The following CIBAR2 variants were observed in gnomAD, a reference collection of about 807,000 sequenced individuals.
The protein encoded by CIBAR2 is CBY1 interacting BAR domain containing 2.
Under a neutral mutation model 36.2 loss-of-function variants are expected in CIBAR2, and 38 were observed. The observed-to-expected ratio is 1.05, with a 90% CI of 0.81 to 1.38. The LOEUF (loss-of-function observed/expected upper bound fraction) is 1.38, where lower values mean the gene tolerates loss of function less well. CIBAR2 is among the 40% of genes most tolerant of loss of function. The probability of loss-of-function intolerance (pLI) is 0.00; values close to 1 mark genes in which losing one functional copy is unlikely to be tolerated. For synonymous variants in CIBAR2, 182 were observed against 149.5 expected (o/e 1.22, Z -1.58); for missense variants, 481 against 383.4 (o/e 1.25, Z -2.13).
Position 85,108,020 on chromosome 16 carries a change from C to T in CIBAR2, c.324+11G>A. 1 of 1,613,710 alleles carries T rather than the reference C, an allele frequency of 6.2e-7. No individual in the cohort carries two copies. The highest frequency in any genetic ancestry group is 8.5e-7 in the Non-Finnish European group (1 of 1,179,706). ...CAGGGATGCCACCCACACCGAGGTG[C>T]CCCGGCTCACCCGTGTCTGCTTGAT... On this transcript the variant is annotated intron_variant, in intron 3 of 8. Transcript: ENST00000539556.
Position 85,099,128 on chromosome 16 carries a change from C to G in CIBAR2, c.*57G>C. The G allele has an allele frequency of 6.9e-7, 1 of 1,450,876 alleles. No individual in the cohort carries two copies. Among genetic ancestry groups the G allele is most frequent in the Non-Finnish European group, 9.1e-7 (1 of 1,098,812 alleles). 89.9% of individuals were successfully genotyped at this position (1,450,876 alleles called of 1,614,324 possible). A position where few individuals can be genotyped will look rare whatever the true frequency, so the allele number is the denominator to read the frequency against. On this transcript the variant is annotated 3_prime_UTR_variant, in exon 9 of 9. Transcript: ENST00000539556. Reference sequence around the variant, plus strand: ...AAAGAATCAGAAAATAAGAACAAAGCCTCCAGGCAGTCTGGGATTATTTTA... The same window carrying G: ...AAAGAATCAGAAAATAAGAACAAAGGCTCCAGGCAGTCTGGGATTATTTTA...
intron 1 of CIBAR2, 109 bp downstream of exon 1, chr16:85,112,224 A>G (rs2144183946): frequency 1.0e-6 from 1 of 955,118 alleles, no homozygotes; most frequent in Non-Finnish European, 1.7e-6. Flanking sequence ...CTCACCCCCA[A>G]CCCCCACCCC....
chr16:85,100,268 G>T (rs2144151287), intron 7 of CIBAR2, 28 bp from the exon 8 acceptor site: 34 of 1,397,000 alleles, frequency 2.4e-5, no homozygotes, highest in Non-Finnish European at 3.2e-5. Context: ...GGGTGGGTGG[G>T]ATCCGATGGG....
chr16:85,100,438 A>T (rs898209781), intron 7 of CIBAR2, among the ~76,000 whole-genome samples, 198 bp from the exon 8 acceptor site: 1 of 152,110 alleles, frequency 6.6e-6, no homozygotes, highest in Admixed American at 6.6e-5. Context: ...TTATCACCCC[A>T]TTTTACAGAT....
intron 5 of CIBAR2, among the ~76,000 whole-genome samples, chr16:85,107,118 G>A (rs770871681): frequency 3.3e-5 from 5 of 151,678 alleles, no homozygotes; most frequent in African/African-American, 1.2e-4. Context: ...TTGCCCTCCA[G>A]CCTAGGCAAC....
chr16:85,101,011 A>G (rs935042230), intron 7 of CIBAR2, among the ~76,000 whole-genome samples: 2 of 150,520 alleles, frequency 1.3e-5, no homozygotes, highest in African/African-American at 4.9e-5. Flanking sequence ...GTGCCACTGC[A>G]CTCCAGCCTG....
chr16:85,104,450 A>G (rs2144161727), intron 6 of CIBAR2, among the ~76,000 whole-genome samples: 1 of 152,210 alleles, frequency 6.6e-6, no homozygotes, highest in East Asian at 1.9e-4. Context: ...GGTCACACCT[A>G]TAATCCCAGC....
chr16:85,107,238 C>T (rs1288991375), intron 5 of CIBAR2, among the ~76,000 whole-genome samples: 2 of 152,162 alleles, frequency 1.3e-5, no homozygotes, highest in Non-Finnish European at 2.9e-5. Context: ...AGCCCTCCTC[C>T]AGCTCTCACT....
chr16:85,110,650 G>C lies in CIBAR2; in HGVS notation c.21-190C>G, dbSNP rs143149185. 7.8e-4 allele frequency among the ~76,000 whole-genome samples: 118 copies of C among 151,968 alleles called. 1 individual carries two copies. The highest frequency in any genetic ancestry group is 2.7e-3 in the African/African-American group (111 of 41,378). On this transcript the variant is annotated intron_variant, in intron 1 of 8. Coordinates refer to ENST00000539556, the MANE Select transcript of CIBAR2 (RefSeq NM_198491.3). ...TGAGGCTGATGAGGGGGATCTGCCTGGGCTGGTCAGTAGTGGGCAGGAATA... is the reference window on the plus strand; with the variant it reads ...TGAGGCTGATGAGGGGGATCTGCCTCGGCTGGTCAGTAGTGGGCAGGAATA...
At chr16:85,100,298 G>C in intron 7 of CIBAR2, 58 bp from the exon 8 acceptor site, 1 of 1,169,832 alleles carries the variant, frequency 8.5e-7, no homozygotes, top group Non-Finnish European at 1.2e-6. Context: ...CGTGGGTTGG[G>C]GGAGTGGGAT....
intron 8 of CIBAR2, among the ~76,000 whole-genome samples, chr16:85,099,862 C>T (rs1260873943): frequency 2.8e-5 from 4 of 141,668 alleles, no homozygotes; most frequent in South Asian, 4.5e-4. Flanking sequence ...AGGCTGGTCT[C>T]GAACTCCTGA....
chr16:85,107,737 C>G (rs927092241), intron 4 of CIBAR2, 65 bp from the exon 5 acceptor site: 2 of 1,603,002 alleles, frequency 1.2e-6, no homozygotes, highest in South Asian at 2.2e-5. Context: ...GGTCCGCCCC[C>G]TTCACAGCCC....
At chr16:85,109,615 A>G (rs55711230) in intron 2 of CIBAR2, among the ~76,000 whole-genome samples, 20,418 of 152,166 alleles carry the variant, frequency 0.13, 1,423 homozygotes, top group Middle Eastern at 0.18. Context: ...GACCTTCCAG[A>G]CTCAAATGAT....
intron 6 of CIBAR2, among the ~76,000 whole-genome samples, chr16:85,102,712 G>C (rs1005977479): frequency 6.6e-6 from 1 of 152,158 alleles, no homozygotes; most frequent in Non-Finnish European, 1.5e-5. Context: ...GAGGAGACTT[G>C]CTCTCCATCC....
chr16:85,110,181 C>T (rs1281611519), intron 2 of CIBAR2, 45 bp downstream of exon 2: 3 of 1,452,708 alleles, frequency 2.1e-6, no homozygotes, highest in Admixed American at 2.2e-5. Flanking sequence ...GGCATTGGAG[C>T]CTGGGTACCC....
At position 85,107,923 on chromosome 16, in the gene CIBAR2, CAT is replaced by C. The variant is rs1213251242; in HGVS notation, c.347_348del (p.His116ArgfsTer5). 4 of 1,614,044 alleles carry C rather than the reference CAT, an allele frequency of 2.5e-6. No individual in the cohort carries two copies. Among genetic ancestry groups the C allele is most frequent in the Non-Finnish European group, 3.4e-6 (4 of 1,179,984 alleles). ...QTRAEIKKFKHVQNHEIKQLE... is the reference protein window; with the variant it reads ...QTRAEIKKFKXVQNHEIKQLE... ...AGTTGTTTGATCTCATGATTTTGGA[CAT>C]GTTTGAATTTCTTGATCTCAGCCTG... On this transcript the variant is annotated frameshift_variant, in exon 4 of 9. Coordinates refer to ENST00000539556, the MANE Select transcript of CIBAR2 (RefSeq NM_198491.3). LOFTEE classifies it high-confidence loss of function.
chr16:85,108,123 G>A (rs758610807), intron 2 of CIBAR2, 24 bp from the exon 3 acceptor site: 2 of 1,593,038 alleles, frequency 1.3e-6, no homozygotes, highest in South Asian at 2.3e-5. Flanking sequence ...GACACCAGGG[G>A]ATCTGAGCGC....
At chr16:85,111,849 C>A (rs950008293) in intron 1 of CIBAR2, among the ~76,000 whole-genome samples, 1 of 152,036 alleles carries the variant, frequency 6.6e-6, no homozygotes, top group Non-Finnish European at 1.5e-5. Context: ...GAGTCCATCT[C>A]AAAAAAATAA....
At chr16:85,104,931 A>G (rs1453960445) in intron 6 of CIBAR2, among the ~76,000 whole-genome samples, 5 of 152,238 alleles carry the variant, frequency 3.3e-5, no homozygotes, top group Middle Eastern at 6.8e-3. Flanking sequence ...ACCCACACCC[A>G]GCTGCTGGGC....
Sources: gnomAD v4.1 joint callset for allele counts (sites outside exome capture counted in the v4.1 genomes callset) on GRCh38, gnomAD v4.1.1 for gene constraint, MANE v1.5 for transcripts, NCBI Gene and HGNC (gene_info 2026-07-23, HGNC 2026-07-21) for gene names.